PLS1: variants seen among roughly 807,000 people sequenced by gnomAD.
PLS1 encodes plastin-1.
Under a neutral mutation model 73.7 loss-of-function variants are expected in PLS1, and 32 were observed. The ratio of observed to expected loss-of-function variants is 0.43; its 90% confidence interval spans 0.33 to 0.58. PLS1 has a LOEUF of 0.58. Ranked by LOEUF, PLS1 falls within the 20% of genes least tolerant of loss-of-function variation. The probability of loss-of-function intolerance (pLI) is 0.04; values close to 1 mark genes in which losing one functional copy is unlikely to be tolerated. For missense variants in PLS1, 633 were observed against 740.5 expected (o/e 0.85, Z 1.68); for synonymous variants, 217 against 261.3 (o/e 0.83, Z 1.63).
intron 1 of PLS1, among the ~76,000 whole-genome samples, chr3:142,599,608 C>T (rs926372194): frequency 5.9e-5 from 9 of 152,090 alleles, no homozygotes; most frequent in South Asian, 4.1e-4. Flanking sequence ...GGATTACAGG[C>T]GTGAGCCACC....
intron 1 of PLS1, chr3:142,619,619 C>G (rs922573145): frequency 6.6e-6 from 1 of 152,138 alleles, no homozygotes; most frequent in Admixed American, 6.5e-5. Context: ...TAAAGAAGCC[C>G]CTGCAGCATC....
intron 1 of PLS1, chr3:142,657,227 C>T (rs899620155): frequency 6.6e-6 from 1 of 152,240 alleles, no homozygotes; most frequent in Non-Finnish European, 1.5e-5. Context: ...AAGCAGCAGT[C>T]TTACTTGCTG....
intron 2 of PLS1, among the ~76,000 whole-genome samples, chr3:142,665,240 A>G (rs538748736): frequency 6.6e-6 from 1 of 151,154 alleles, no homozygotes; most frequent in South Asian, 2.1e-4. Flanking sequence ...ATCATGCAAC[A>G]TGAGTTTTAT....
chr3:142,686,607 G>C (rs541532650), intron 9 of PLS1, among the ~76,000 whole-genome samples: 1 of 152,014 alleles, frequency 6.6e-6, no homozygotes, highest in Non-Finnish European at 1.5e-5. Flanking sequence ...GGTAACTACT[G>C]TTCTACTTTT....
Position 142,698,036 on chromosome 3 carries a change from C to T in PLS1, c.1340C>T (p.Pro447Leu). 1.2e-6 allele frequency: 2 copies of T among 1,608,024 alleles called. No homozygotes were observed. Among genetic ancestry groups the T allele is most frequent in the Non-Finnish European group, 1.7e-6 (2 of 1,174,530 alleles). Residue 447 changes from proline (P) to leucine (L), a missense_variant, in exon 12 of 16, where the codon CCT (proline) becomes CTT (leucine). Transcript: ENST00000457734. ...PVNWSHVNKP[P>L]YPALGGNMKK... Reference sequence around the variant, plus strand: ...AACTGGAGCCATGTCAACAAACCTCCTTATCCTGCCCTTGGAGGGAACATG... The same window carrying T: ...AACTGGAGCCATGTCAACAAACCTCTTTATCCTGCCCTTGGAGGGAACATG...
Position 142,703,959 on chromosome 3 carries a change from A to G in PLS1, c.1463A>G (p.Asn488Ser). 1 of 1,614,068 alleles carries G rather than the reference A, an allele frequency of 6.2e-7. No homozygotes were observed. The highest frequency in any genetic ancestry group is 8.5e-7 in the Non-Finnish European group (1 of 1,179,904). ...GIAGQDLNEG[N>S]STLTLALVWQ... ...GCTGGGCAGGACCTAAATGAAGGGA[A>G]TTCAACACTTACCCTGGCATTGGTA... Residue 488 changes from asparagine to serine, a missense_variant, in exon 13 of 16, where the codon AAT becomes AGT. Transcript: ENST00000457734.
chr3:142,689,023 C>CTGGTT (rs1483618105), intron 9 of PLS1, among the ~76,000 whole-genome samples: 1 of 152,100 alleles, frequency 6.6e-6, no homozygotes, highest in Non-Finnish European at 1.5e-5. Context: ...ATAGTGCAAC[C>CTGGTT]AGTAGGAGCT....
At chr3:142,703,248 C>A (rs2038368216) in intron 12 of PLS1, among the ~76,000 whole-genome samples, 1 of 151,174 alleles carries the variant, frequency 6.6e-6, no homozygotes, top group South Asian at 2.1e-4. Context: ...TTTAGGCACA[C>A]ATGTGCCATT....
chr3:142,701,754 G>T (rs901999654), intron 12 of PLS1, among the ~76,000 whole-genome samples: 5 of 152,096 alleles, frequency 3.3e-5, no homozygotes, highest in Non-Finnish European at 5.9e-5. Context: ...TAGGAACTTT[G>T]GTAGAACTGT....
At chr3:142,606,758 T>C (rs2036026833) in intron 1 of PLS1, among the ~76,000 whole-genome samples, 2 of 152,250 alleles carry the variant, frequency 1.3e-5, no homozygotes, top group East Asian at 1.9e-4. Flanking sequence ...TTCATTCATG[T>C]TGTAGCACAT....
At position 142,678,041 on chromosome 3, in the gene PLS1, C is replaced by A; in HGVS notation, c.507C>A (p.Ile169=). 2 of 1,508,838 alleles carry A rather than the reference C, an allele frequency of 1.3e-6. No individual in the cohort carries two copies. Among genetic ancestry groups the A allele is most frequent in the South Asian group, 1.2e-5 (1 of 80,068 alleles). 93.5% of individuals were successfully genotyped at this position (1,508,838 alleles called of 1,614,324 possible). ...CTCATTTTCTCTTTAGCAAAATGAT[C>A]AACTTATCTGAACCAGATACAATTG... The part of the protein sequence containing the change: ...LADGILLCKM[I]NLSEPDTIDE... Residue 169 remains isoleucine, a synonymous_variant, in exon 6 of 16, where the codon ATC becomes ATA. Transcript: ENST00000457734.
intron 12 of PLS1, among the ~76,000 whole-genome samples, chr3:142,700,985 G>A (rs1180151720): frequency 1.3e-5 from 2 of 152,170 alleles, no homozygotes; most frequent in African/African-American, 4.8e-5. Flanking sequence ...TTCCTGCCAT[G>A]ATTCTATGGC....
At chr3:142,661,064 A>G (rs993176450) in intron 1 of PLS1, among the ~76,000 whole-genome samples, 3 of 152,192 alleles carry the variant, frequency 2.0e-5, no homozygotes, top group Non-Finnish European at 2.9e-5. Context: ...GAATACAGGA[A>G]AGGATATGCA....
intron 1 of PLS1, among the ~76,000 whole-genome samples, chr3:142,656,324 A>G (rs1461563770): frequency 6.6e-6 from 1 of 152,218 alleles, no homozygotes; most frequent in East Asian, 1.9e-4. Context: ...AGTTGAGCTC[A>G]GTTATTTTAG....
intron 4 of PLS1, among the ~76,000 whole-genome samples, chr3:142,673,389 A>C (rs918541738): frequency 2.0e-5 from 3 of 152,026 alleles, no homozygotes; most frequent in Admixed American, 1.3e-4. Flanking sequence ...CATTTTGTTT[A>C]TCCTTTCATC....
chr3:142,638,453 C>T (rs547178397), intron 1 of PLS1, among the ~76,000 whole-genome samples: 1 of 152,288 alleles, frequency 6.6e-6, no homozygotes, highest in East Asian at 1.9e-4. Context: ...TCTCTGAACA[C>T]AGGGACAACA....
At chr3:142,640,355 C>T (rs769693597) in intron 1 of PLS1, among the ~76,000 whole-genome samples, 9 of 152,176 alleles carry the variant, frequency 5.9e-5, no homozygotes, top group East Asian at 3.9e-4. Flanking sequence ...ATAATGCTTT[C>T]GACAGTTTTC....
At chr3:142,624,647 C>T (rs1282204792) in intron 1 of PLS1, among the ~76,000 whole-genome samples, 1 of 152,164 alleles carries the variant, frequency 6.6e-6, no homozygotes, top group Non-Finnish European at 1.5e-5. Flanking sequence ...TTTGCAGTGA[C>T]CTGAGCTCTT....
intron 1 of PLS1, among the ~76,000 whole-genome samples, chr3:142,604,225 G>A (rs562929837): frequency 7.2e-5 from 11 of 152,144 alleles, no homozygotes; most frequent in Non-Finnish European, 1.6e-4. Context: ...CTTGGACCAA[G>A]GGCTGCTTGG....
Sources: allele counts gnomAD v4.1 joint callset (sites outside exome capture counted in the v4.1 genomes callset), GRCh38; gene constraint gnomAD v4.1.1; transcripts MANE v1.5; gene names NCBI Gene and HGNC (gene_info 2026-07-23, HGNC 2026-07-21).